The following PCDHGA6 variants were observed in gnomAD, a reference collection of about 807,000 sequenced individuals.
PCDHGA6 encodes the protein protocadherin gamma subfamily A, 6, also known as protocadherin gamma-A6.
In PCDHGA6, 41 loss-of-function variants were observed where a neutral mutation model predicts 60.6. The ratio of observed to expected loss-of-function variants is 0.68; its 90% CI spans 0.53 to 0.88. The LOEUF (loss-of-function observed/expected upper bound fraction) is 0.88, where lower values mean the gene tolerates loss of function less well. Ranked by LOEUF, PCDHGA6 falls within the 40% of genes least tolerant of loss-of-function variation. The pLI is 0.00. For synonymous variants in PCDHGA6, 594 were observed against 524.4 expected, an observed-to-expected ratio of 1.13 and a Z score of -1.81; for missense variants, 1,312 against 1,203.0, an observed-to-expected ratio of 1.09 and a Z score of -1.34.
chr5:141,475,486 T>G (rs576743657), intron 1 of PCDHGA6, among the ~76,000 whole-genome samples: 1 of 152,252 alleles, frequency 6.6e-6, no homozygotes, highest in Non-Finnish European at 1.5e-5. Flanking sequence ...TGGTAAGAGA[T>G]AAAACTGAAA....
chr5:141,415,772 T>TC, intron 1 of PCDHGA6: 1 of 1,332,986 alleles, frequency 7.5e-7, no homozygotes. Context: ...TTTTTTTTTT[T>TC]ACTTTCTGGT....
At chr5:141,478,355 G>T (rs1193169527) in intron 1 of PCDHGA6, 7 of 1,613,742 alleles carry the variant, frequency 4.3e-6, no homozygotes, top group Non-Finnish European at 5.1e-6. Flanking sequence ...CGCGGACGCC[G>T]TGCGGGGAGG....
intron 1 of PCDHGA6, among the ~76,000 whole-genome samples, chr5:141,494,512 C>T (rs2154591503): frequency 6.6e-6 from 1 of 152,276 alleles, no homozygotes; most frequent in Middle Eastern, 3.4e-3. Context: ...AATTTTGGCT[C>T]AGGAGTTCTG....
chr5:141,476,507 A>G lies in PCDHGA6; in HGVS notation c.2425-18300A>G. 1 of 1,614,102 alleles carries G rather than the reference A, an allele frequency of 6.2e-7. No individual in the cohort carries two copies. The highest frequency in any genetic ancestry group is 8.5e-7 in the Non-Finnish European group (1 of 1,180,008). On this transcript the variant is annotated intron_variant, in intron 1 of 3. Transcript: ENST00000517434. This position sits in a 1 kb window ranked among gnomAD's most constrained non-coding sequence, Gnocchi z 7.6. Reference sequence around the variant, plus strand: ...AGTGGTGATCCAGGACATCAACGACAACAATCCTGCTTTCCCTACCCAGGA... The same window carrying G: ...AGTGGTGATCCAGGACATCAACGACGACAATCCTGCTTTCCCTACCCAGGA...
Position 141,490,109 on chromosome 5 carries a change from G to A in PCDHGA6, c.2425-4698G>A, listed in dbSNP as rs775286436. The A allele has an allele frequency of 3.4e-5, 55 of 1,614,114 alleles. No homozygotes were observed. Among genetic ancestry groups the A allele is most frequent in the African/African-American group, 8.0e-5 (6 of 74,940 alleles). ...GGAGACCACACATCTGAGGCAGTGC[G>A]GAACCTCTTTGGCCTAGACCCTAGC... On this transcript the variant is annotated intron_variant, in intron 1 of 3. Coordinates refer to ENST00000517434, the MANE Select transcript of PCDHGA6 (RefSeq NM_018919.3). This position sits in a 1 kb window ranked among gnomAD's most constrained non-coding sequence, Gnocchi z 5.4.
intron 1 of PCDHGA6, among the ~76,000 whole-genome samples, chr5:141,386,574 G>A (rs2090626331): frequency 6.6e-6 from 1 of 151,752 alleles, no homozygotes; most frequent in African/African-American, 2.4e-5. Flanking sequence ...GATAGACTCT[G>A]TACAATAGTG....
intron 1 of PCDHGA6, among the ~76,000 whole-genome samples, chr5:141,472,991 AAAAAAAGAAAGAAAAAG>A (rs2099310051): frequency 6.6e-6 from 1 of 151,894 alleles, no homozygotes; most frequent in Admixed American, 6.6e-5. Flanking sequence ...AAAAAAAAAA[AAAAAAAGAAAGAAAAAG>A]AAAAAGAAAG....
intron 1 of PCDHGA6, chr5:141,421,335 G>A (rs2096564985): frequency 1.2e-6 from 2 of 1,613,944 alleles, no homozygotes; most frequent in Non-Finnish European, 8.5e-7. Context: ...GATATTCGGT[G>A]CCAGAAGAGA....
At chr5:141,497,143 GA>G (rs928640875) in intron 2 of PCDHGA6, among the ~76,000 whole-genome samples, 7 of 149,992 alleles carry the variant, frequency 4.7e-5, no homozygotes, top group African/African-American at 9.8e-5. Context: ...CTGAGATCAC[GA>G]AAAAAAAATA....
chr5:141,500,051 C>A (rs991931153), intron 2 of PCDHGA6, among the ~76,000 whole-genome samples: 1 of 151,988 alleles, frequency 6.6e-6, no homozygotes, highest in Non-Finnish European at 1.5e-5. Context: ...TATCTTAATG[C>A]TCTTTTAATG....
chr5:141,450,310 G>A (rs1364358879), intron 1 of PCDHGA6, among the ~76,000 whole-genome samples: 1 of 151,966 alleles, frequency 6.6e-6, no homozygotes, highest in Non-Finnish European at 1.5e-5. Context: ...ACCATGTGTG[G>A]CCTAGTTGCC....
Position 141,399,778 on chromosome 5 carries a change from C to G in PCDHGA6, c.2424+23271C>G, listed in dbSNP as rs187080333. ...GAGCCTGCGCGTGTTGGTGGGCGACCGAAACGACAACGCACCGCGGGTGCT... is the reference window on the plus strand; with the variant it reads ...GAGCCTGCGCGTGTTGGTGGGCGACGGAAACGACAACGCACCGCGGGTGCT... On this transcript the variant is annotated intron_variant, in intron 1 of 3. Coordinates refer to ENST00000517434, the MANE Select transcript of PCDHGA6 (RefSeq NM_018919.3). The G allele has an allele frequency of 3.4e-4, 542 of 1,613,250 alleles. 2 individuals are homozygous for G. The African/African-American group carries it at 5.6e-3, about 17-fold the overall frequency.
chr5:141,475,572 C>T (rs2099365596), intron 1 of PCDHGA6, among the ~76,000 whole-genome samples: 1 of 152,214 alleles, frequency 6.6e-6, no homozygotes, highest in South Asian at 2.1e-4. Context: ...TTCCAACAAG[C>T]CAGATTTGTT....
chr5:141,410,167 T>A (rs372848702), intron 1 of PCDHGA6: 1 of 1,613,770 alleles, frequency 6.2e-7, no homozygotes, highest in South Asian at 1.1e-5. Flanking sequence ...CGCCACTCTC[T>A]GCCACCGCCA....
Position 141,489,527 on chromosome 5 carries a change from G to A in PCDHGA6, c.2425-5280G>A. On this transcript the variant is annotated intron_variant, in intron 1 of 3. Coordinates refer to ENST00000517434, the MANE Select transcript of PCDHGA6 (RefSeq NM_018919.3). The surrounding 1 kb of genome is among the most constrained non-coding windows in gnomAD (Gnocchi z 4.5). The stretch of plus-strand genomic sequence containing the variant: ...CAAAAGATTGACCGAGAAAGCCTAT[G>A]TGGAGCCAGCACCAGCTGCCTGCTG... The A allele has an allele frequency of 1.9e-6, 3 of 1,614,152 alleles. No individual in the cohort carries two copies. Among genetic ancestry groups the A allele is most frequent in the East Asian group, 2.2e-5 (1 of 44,874 alleles).
In PCDHGA6 at chr5:141,403,434, A is replaced by C. The variant is rs774605332; in HGVS notation, c.2424+26927A>C. On this transcript the variant is annotated intron_variant, in intron 1 of 3. Transcript: ENST00000517434. ...CCACTTCCAGAAGCTATTGATCCGGATGTTGGCGTGAACTCCCTCCAGAGC... is the reference window on the plus strand; with the variant it reads ...CCACTTCCAGAAGCTATTGATCCGGCTGTTGGCGTGAACTCCCTCCAGAGC... The C allele has an allele frequency of 1.9e-6, 3 of 1,614,024 alleles. No individual in the cohort carries two copies. In the South Asian group the frequency reaches 3.3e-5, roughly 18 times the overall value.
At chr5:141,500,509 G>A (rs1048476645) in intron 2 of PCDHGA6, among the ~76,000 whole-genome samples, 19 of 152,100 alleles carry the variant, frequency 1.2e-4, no homozygotes, top group South Asian at 4.2e-4. Context: ...GCGCCTGGCC[G>A]AGCTTCATTT....
chr5:141,490,042 G>A lies in PCDHGA6; in HGVS notation c.2425-4765G>A. On this transcript the variant is annotated intron_variant, in intron 1 of 3. Transcript: ENST00000517434. This position sits in a 1 kb window ranked among gnomAD's most constrained non-coding sequence, Gnocchi z 5.4. ...TCTGCTGCTCCGCCTCAATGCCACT[G>A]ATCCAGACGAGGGCACCAACGGCCA... The A allele has an allele frequency of 6.2e-7, 1 of 1,614,266 alleles. No homozygotes were observed. Among genetic ancestry groups the A allele is most frequent in the Non-Finnish European group, 8.5e-7 (1 of 1,180,038 alleles).
Position 141,476,104 on chromosome 5 carries a change from G to A in PCDHGA6, c.2425-18703G>A. 6.3e-7 allele frequency: 1 copy of A among 1,584,700 alleles called. No homozygotes were observed. Among genetic ancestry groups the A allele is most frequent in the Non-Finnish European group, 8.6e-7 (1 of 1,168,500 alleles). On this transcript the variant is annotated intron_variant, in intron 1 of 3. Coordinates refer to ENST00000517434, the MANE Select transcript of PCDHGA6 (RefSeq NM_018919.3). The surrounding 1 kb of genome is among the most constrained non-coding windows in gnomAD (Gnocchi z 7.6). ...GATCTGGACCCCGCTGAGAGGAACTGCTTTTGAGTGAGATGGTCCCAGAGG... is the reference window on the plus strand; with the variant it reads ...GATCTGGACCCCGCTGAGAGGAACTACTTTTGAGTGAGATGGTCCCAGAGG...
Sources: gnomAD v4.1 joint callset for allele counts (sites outside exome capture counted in the v4.1 genomes callset) on GRCh38, gnomAD v4.1.1 for gene constraint, Gnocchi (gnomAD v3.1) non-coding constraint, MANE v1.5 for transcripts, NCBI Gene and HGNC (gene_info 2026-07-23, HGNC 2026-07-21) for gene names.